The following DIS3L2 variants were observed in gnomAD, a reference collection of about 807,000 sequenced individuals.
DIS3L2 encodes DIS3 like 3'-5' exoribonuclease 2.
DIS3L2 carries 34 observed loss-of-function variants against 97.5 expected under a neutral mutation model. The ratio of observed to expected loss-of-function variants is 0.35; its 90% CI spans 0.27 to 0.46. The LOEUF (loss-of-function observed/expected upper bound fraction) is 0.46. Ranked by LOEUF, DIS3L2 falls within the 20% of genes least tolerant of loss-of-function variation. The probability of loss-of-function intolerance (pLI) is 1.00; values close to 1 mark genes in which losing one functional copy is unlikely to be tolerated. For synonymous variants in DIS3L2, 435 were observed against 445.2 expected, an observed-to-expected ratio of 0.98 and a Z score of 0.29; for missense variants, 1,038 against 1,146.0, an observed-to-expected ratio of 0.91 and a Z score of 1.36.
intron 6 of DIS3L2, among the ~76,000 whole-genome samples, chr2:232,095,886 C>G (rs1199790851): frequency 6.6e-6 from 1 of 152,010 alleles, no homozygotes; most frequent in East Asian, 1.9e-4. Flanking sequence ...ACATATTATG[C>G]CACTGTAAAG....
chr2:232,206,629 G>C (rs2106213457), intron 9 of DIS3L2, among the ~76,000 whole-genome samples: 1 of 152,320 alleles, frequency 6.6e-6, no homozygotes. Flanking sequence ...GACCAGTGTA[G>C]TATGGTTTGC....
At chr2:232,199,732 G>T (rs1691842724) in intron 9 of DIS3L2, among the ~76,000 whole-genome samples, 1 of 152,076 alleles carries the variant, frequency 6.6e-6, no homozygotes. Flanking sequence ...ACACAGAAAG[G>T]GTAAACCAGA....
At chr2:232,297,740 T>C (rs1694757852) in intron 13 of DIS3L2, among the ~76,000 whole-genome samples, 1 of 147,234 alleles carries the variant, frequency 6.8e-6, no homozygotes, top group African/African-American at 2.5e-5. Flanking sequence ...TCTCGCTATG[T>C]CGCCCAGGCT....
intron 5 of DIS3L2, among the ~76,000 whole-genome samples, chr2:232,055,750 T>A (rs1406368886): frequency 6.6e-6 from 1 of 152,158 alleles, no homozygotes; most frequent in Admixed American, 6.5e-5. Flanking sequence ...GTTACAATAG[T>A]TTGGTATTTA....
At chr2:232,078,978 T>G (rs959793922) in intron 5 of DIS3L2, among the ~76,000 whole-genome samples, 9 of 152,234 alleles carry the variant, frequency 5.9e-5, no homozygotes, top group African/African-American at 2.2e-4. Flanking sequence ...TTTAGATATG[T>G]GGAGATATTA....
At position 232,268,173 on chromosome 2, in the gene DIS3L2, GT is replaced by G. The variant is rs1328062072; in HGVS notation, c.1659+4735del. Among the ~76,000 whole-genome samples, 24 of 152,226 alleles carry G rather than the reference GT, an allele frequency of 1.6e-4. No individual in the cohort carries two copies. Among genetic ancestry groups the G allele is most frequent in the Non-Finnish European group, 8.8e-5 (6 of 68,038 alleles). On this transcript the variant is annotated intron_variant, in intron 13 of 20. Transcript: ENST00000325385. The surrounding 1 kb of genome is among the most constrained non-coding windows in gnomAD (Gnocchi z 4.1). The stretch of plus-strand genomic sequence containing the variant: ...CACTGACTTTGGGAATTCAGAGGAA[GT>G]TGAAGTAGTGGTGGAGAAAACCTGA...
At chr2:232,301,000 A>T (rs935089738) in intron 14 of DIS3L2, among the ~76,000 whole-genome samples, 3 of 152,116 alleles carry the variant, frequency 2.0e-5, no homozygotes, top group African/African-American at 7.2e-5. Context: ...AGACAGTGAA[A>T]GTGGTGGTGA....
Position 232,024,343 on chromosome 2 carries a change from A to C in DIS3L2, c.264+13A>C, listed in dbSNP as rs2106232935. 1 of 1,578,446 alleles carries C rather than the reference A, an allele frequency of 6.3e-7. No homozygotes were observed. Among genetic ancestry groups the C allele is most frequent in the Non-Finnish European group, 8.6e-7 (1 of 1,156,308 alleles). The stretch of plus-strand genomic sequence containing the variant: ...CATTCCTTCCCCGGTAAGTTCAATA[A>C]ATTTATAATAAACTTTATGTCACAT... On this transcript the variant is annotated intron_variant, in intron 4 of 20. Transcript: ENST00000325385.
intron 11 of DIS3L2, among the ~76,000 whole-genome samples, chr2:232,243,164 G>A (rs1443514920): frequency 7.9e-5 from 12 of 152,198 alleles, no homozygotes; most frequent in African/African-American, 2.9e-4. Flanking sequence ...CAAAGCAATC[G>A]TGTTTTGAAC....
At chr2:231,978,218 C>G (rs987240163) in intron 1 of DIS3L2, among the ~76,000 whole-genome samples, 1 of 152,060 alleles carries the variant, frequency 6.6e-6, no homozygotes, top group Non-Finnish European at 1.5e-5. Flanking sequence ...CAATGAATAC[C>G]CAATGTACAC....
At position 232,325,913 on chromosome 2, in the gene DIS3L2, G is replaced by A. The variant is rs191415803; in HGVS notation, c.1740-3900G>A. ...ATGAGGCCAGGGCAGGGGGCAGGGC[G>A]CCCTCCCGTCCAGCAGCCCCAGTGC... is the stretch of plus-strand genomic sequence containing the variant. On this transcript the variant is annotated intron_variant, in intron 14 of 20. Transcript: ENST00000325385. This position sits in a 1 kb window ranked among gnomAD's most constrained non-coding sequence, Gnocchi z 4.6. Among the ~76,000 whole-genome samples, 1,612 of 152,312 alleles carry A rather than the reference G, an allele frequency of 0.011. 18 individuals carry two copies. The highest frequency in any genetic ancestry group is 0.017 in the Non-Finnish European group (1,152 of 68,008).
chr2:232,219,577 T>A (rs942386825), intron 10 of DIS3L2, among the ~76,000 whole-genome samples: 1 of 152,184 alleles, frequency 6.6e-6, no homozygotes, highest in East Asian at 1.9e-4. Flanking sequence ...AGTGTTTCAC[T>A]CCATCTGTCA....
intron 8 of DIS3L2, among the ~76,000 whole-genome samples, chr2:232,160,831 G>A (rs1385329944): frequency 6.6e-6 from 1 of 152,114 alleles, no homozygotes; most frequent in African/African-American, 2.4e-5. Flanking sequence ...ACTTCTGCCT[G>A]GGTGACAGAG....
intron 10 of DIS3L2, among the ~76,000 whole-genome samples, chr2:232,224,732 G>A (rs1216645691): frequency 1.3e-5 from 2 of 151,816 alleles, no homozygotes; most frequent in Non-Finnish European, 2.9e-5. Context: ...CCAGCTACTC[G>A]GGAGGCTGAG....
chr2:232,163,632 G>T lies in DIS3L2; in HGVS notation c.1124G>T (p.Arg375Ile), dbSNP rs977136092. 6.2e-7 allele frequency: 1 copy of T among 1,612,830 alleles called. No homozygotes were observed. Residue 375 changes from arginine (R) to isoleucine (I), a missense_variant and splice_region_variant, in exon 9 of 21, where the codon AGA (arginine) becomes ATA (isoleucine). Arg to Ile is a moderately conservative substitution (Grantham distance 97). Transcript: ENST00000325385. ...PEEFSKRRDL[R>I]KDCIFTIDPS... is the part of the protein sequence containing the mutation. The stretch of plus-strand genomic sequence containing the variant: ...GAGTTCAGCAAGAGAAGGGATTTAA[G>T]GTAAGCACCTGAAACCCTTTAAGAA...
At chr2:232,088,209 G>C (rs958552495) in intron 6 of DIS3L2, among the ~76,000 whole-genome samples, 22 of 151,386 alleles carry the variant, frequency 1.5e-4, no homozygotes, top group African/African-American at 5.1e-4. Flanking sequence ...GACCATCCTG[G>C]CTAACATGGT....
chr2:232,191,589 T>A (rs1691619645), intron 9 of DIS3L2, among the ~76,000 whole-genome samples: 1 of 152,178 alleles, frequency 6.6e-6, no homozygotes, highest in South Asian at 2.1e-4. Flanking sequence ...GGACACTCAT[T>A]TGTGTGGAAG....
At chr2:232,084,895 A>G (rs375827680) in intron 5 of DIS3L2, among the ~76,000 whole-genome samples, 1 of 49,210 alleles carries the variant, frequency 2.0e-5, no homozygotes, top group Non-Finnish European at 3.6e-5. Context: ...CTTTATTCTG[A>G]TCGTTCTTTG....
rs111391166 is a variant in DIS3L2 at position 232,267,338 on chromosome 2, A to C, written c.1659+3898A>C. Among the ~76,000 whole-genome samples, 491 of 152,348 alleles carry C rather than the reference A, an allele frequency of 3.2e-3. 3 individuals are homozygous for C. Among genetic ancestry groups the C allele is most frequent in the African/African-American group, 0.011 (446 of 41,584 alleles). ...AAATGTCTCCTTTACCTACAGTTCA[A>C]CCTAGTTCTAAAGAGGTTCTAGGTA... is the stretch of plus-strand genomic sequence containing the variant. On this transcript the variant is annotated intron_variant, in intron 13 of 20. Transcript: ENST00000325385.
Sources: allele counts gnomAD v4.1 joint callset (sites outside exome capture counted in the v4.1 genomes callset), GRCh38; gene constraint gnomAD v4.1.1; non-coding constraint Gnocchi (gnomAD v3.1); transcripts MANE v1.5; gene names NCBI Gene and HGNC (gene_info 2026-07-23, HGNC 2026-07-21).